The following PCDHA4 variants were observed in gnomAD, a reference collection of about 807,000 sequenced individuals.
PCDHA4 encodes the protein protocadherin alpha 4, also known as protocadherin alpha-4.
PCDHA4 carries 49 observed loss-of-function variants against 61.4 expected under a neutral mutation model. That is an observed-to-expected ratio of 0.80 (90% confidence interval 0.63 to 1.01). The LOEUF is 1.01. Among genes scored for constraint, PCDHA4 ranks in the 50% least tolerant of loss-of-function variants. PCDHA4 has a pLI of 0.00. For missense variants in PCDHA4, 1,254 were observed against 1,235.8 expected (o/e 1.01, Z -0.22); for synonymous variants, 590 against 550.3 (o/e 1.07, Z -1.01).
At chr5:140,884,532 G>A in intron 1 of PCDHA4, 2 of 1,614,042 alleles carry the variant, frequency 1.2e-6, no homozygotes, top group South Asian at 2.2e-5. Flanking sequence ...CAGCAGAGGC[G>A]GCCGAGGGTG....
At chr5:140,920,794 A>G (rs1433275588) in intron 1 of PCDHA4, among the ~76,000 whole-genome samples, 2 of 151,776 alleles carry the variant, frequency 1.3e-5, no homozygotes, top group Admixed American at 6.6e-5. Flanking sequence ...CAGGGAACCA[A>G]GATCACGCCA....
At position 140,824,092 on chromosome 5, in the gene PCDHA4, C is replaced by G. The variant is rs2150132114; in HGVS notation, c.2385+14520C>G. 4 of 1,614,146 alleles carry G rather than the reference C, an allele frequency of 2.5e-6. No individual in the cohort carries two copies. In the South Asian group the frequency reaches 4.4e-5, roughly 18 times the overall value. On this transcript the variant is annotated intron_variant, in intron 1 of 3. Transcript: ENST00000530339. ...CAAAACAGACCTCATGGCCTTCAGT[C>G]CAAGCCTTCCTCAGGGTCCCACCTC...
intron 1 of PCDHA4, chr5:140,854,159 C>CAA (rs59855104): frequency 0.094 from 31,914 of 338,462 alleles, 1,044 homozygotes; most frequent in African/African-American, 0.16. Flanking sequence ...GATTCTGTCT[C>CAA]AAAAAAAAAA....
At position 140,928,140 on chromosome 5, in the gene PCDHA4, G is replaced by A. The variant is rs200493520; in HGVS notation, c.2386-50809G>A. On this transcript the variant is annotated intron_variant, in intron 1 of 3. Coordinates refer to ENST00000530339, the MANE Select transcript of PCDHA4 (RefSeq NM_018907.4). The stretch of plus-strand genomic sequence containing the variant: ...TCAGTGAATACCAAGTCCTGATCAC[G>A]GCCTCAGATAGTGGCTCACCCCCAC... The A allele has an allele frequency of 2.7e-5, 43 of 1,614,036 alleles. 1 individual carries two copies. The South Asian group carries it at 4.2e-4, about 16-fold the overall frequency.
chr5:140,849,509 G>A, intron 1 of PCDHA4: 2 of 1,596,674 alleles, frequency 1.3e-6, no homozygotes, highest in Admixed American at 1.7e-5. Flanking sequence ...CACTTCTTGT[G>A]GAAGTTGTGG....
intron 1 of PCDHA4, among the ~76,000 whole-genome samples, chr5:140,945,880 A>G (rs1210743057): frequency 6.6e-6 from 1 of 152,136 alleles, no homozygotes; most frequent in Non-Finnish European, 1.5e-5. Flanking sequence ...TAAAACTAAC[A>G]AAGAAAACAC....
chr5:140,837,118 A>G (rs1774921021), intron 1 of PCDHA4: 2 of 157,076 alleles, frequency 1.3e-5, no homozygotes, highest in Non-Finnish European at 2.8e-5. Flanking sequence ...TATGTTACCT[A>G]ATATTTTATT....
chr5:140,828,675 T>TTA, intron 1 of PCDHA4: 1 of 1,614,212 alleles, frequency 6.2e-7, no homozygotes, highest in Non-Finnish European at 8.5e-7. Flanking sequence ...ATTGGGCTCT[T>TTA]ATTAAAGAAA....
At chr5:140,967,014 G>T in intron 1 of PCDHA4, 1 of 1,606,958 alleles carries the variant, frequency 6.2e-7, no homozygotes, top group Non-Finnish European at 8.5e-7. Flanking sequence ...AACCATCTGG[G>T]TGCGCCCAGT....
At chr5:140,924,480 T>C (rs2081865040) in intron 1 of PCDHA4, among the ~76,000 whole-genome samples, 1 of 152,178 alleles carries the variant, frequency 6.6e-6, no homozygotes, top group Non-Finnish European at 1.5e-5. Flanking sequence ...TGGTTTTTAG[T>C]GGAACACTGG....
intron 1 of PCDHA4, chr5:140,929,229 C>T: frequency 6.2e-7 from 1 of 1,613,880 alleles, no homozygotes; most frequent in South Asian, 1.1e-5. Context: ...ATGCTGCCGA[C>T]CTGCGAAATC....
chr5:140,951,922 T>C (rs191831107), intron 1 of PCDHA4, among the ~76,000 whole-genome samples: 135 of 152,266 alleles, frequency 8.9e-4, no homozygotes, highest in Non-Finnish European at 1.0e-3. Flanking sequence ...AACAAGTTAG[T>C]TACTCCCAAG....
intron 1 of PCDHA4, chr5:140,821,982 C>T (rs1317338643): frequency 3.7e-6 from 6 of 1,614,026 alleles, no homozygotes; most frequent in African/African-American, 2.7e-5. Context: ...CGTCCAAGGG[C>T]CGCGGGGACC....
chr5:140,865,458 GA>G (rs1462092731), intron 1 of PCDHA4: 4 of 152,192 alleles, frequency 2.6e-5, no homozygotes, highest in African/African-American at 9.6e-5. Flanking sequence ...TGATTTCTAT[GA>G]AGATAAACAT....
chr5:140,903,124 T>C (rs1554190771), intron 1 of PCDHA4, among the ~76,000 whole-genome samples: 1 of 152,234 alleles, frequency 6.6e-6, no homozygotes, highest in Non-Finnish European at 1.5e-5. Context: ...TCTAAATCTT[T>C]AAGAAATCTC....
In PCDHA4 at chr5:140,807,837, G is replaced by T. The variant is rs782293476; in HGVS notation, c.650G>T (p.Gly217Val). The T allele has an allele frequency of 3.1e-6, 5 of 1,614,048 alleles. No individual in the cohort carries two copies. Among genetic ancestry groups the T allele is most frequent in the Non-Finnish European group, 3.4e-6 (4 of 1,180,042 alleles). Residue 217 changes from glycine to valine, a missense_variant, in exon 1 of 4, where the codon GGA becomes GTA. Physicochemically the swap from Gly to Val is moderately radical, Grantham distance 109 (BLOSUM62 -3). Coordinates refer to ENST00000530339, the MANE Select transcript of PCDHA4 (RefSeq NM_018907.4). Reference protein sequence around the residue: ...EIFLVLTATDGGKPELTGTVQ... With the variant: ...EIFLVLTATDVGKPELTGTVQ... ...TTTTTAGTGCTCACAGCCACTGATG[G>T]AGGCAAACCCGAGTTGACTGGCACC...
chr5:140,920,841 TAA>T (rs781921146), intron 1 of PCDHA4, among the ~76,000 whole-genome samples: 15 of 109,130 alleles, frequency 1.4e-4, no homozygotes, highest in Admixed American at 1.9e-4. Flanking sequence ...AGACCAAATC[TAA>T]AAAAAAAAAA....
Position 140,838,073 on chromosome 5 carries a change from ATATAGTGTGTGTGTGTGT to A in PCDHA4, c.2385+28502_2385+28519del, listed in dbSNP as rs1181120432. 3.1e-4 allele frequency among the ~76,000 whole-genome samples: 39 copies of A among 126,834 alleles called. 1 individual carries two copies. The highest frequency in any genetic ancestry group is 1.5e-3 in the Admixed American group (18 of 11,662). 83.2% of individuals were successfully genotyped at this position (126,834 alleles called of 152,430 possible). A position where few individuals can be genotyped will look rare whatever the true frequency, so the allele number is the denominator to read the frequency against. ...TGGTTTTCCACTTTAAGTTATATAT[ATATAGTGTGTGTGTGTGT>A]GTGTGTGTGTGTGTGTGTGTGTGTG... On this transcript the variant is annotated intron_variant, in intron 1 of 3. Coordinates refer to ENST00000530339, the MANE Select transcript of PCDHA4 (RefSeq NM_018907.4).
At chr5:140,871,294 T>C in intron 1 of PCDHA4, 1 of 1,613,852 alleles carries the variant, frequency 6.2e-7, no homozygotes, top group Non-Finnish European at 8.5e-7. Context: ...TGAGGGCGCG[T>C]GCGCGCCGGG....
Sources: gnomAD v4.1 joint callset for allele counts (sites outside exome capture counted in the v4.1 genomes callset) on GRCh38, gnomAD v4.1.1 for gene constraint, MANE v1.5 for transcripts, NCBI Gene and HGNC (gene_info 2026-07-23, HGNC 2026-07-21) for gene names.